The following CNTN4 variants were observed in gnomAD, a reference collection of about 807,000 sequenced individuals.
The protein encoded by CNTN4 is contactin 4.
In CNTN4, 77 loss-of-function variants were observed where a neutral mutation model predicts 122.5. The ratio of observed to expected loss-of-function variants is 0.63; its 90% CI spans 0.52 to 0.76. The LOEUF is 0.76. Ranked by LOEUF, CNTN4 falls within the 30% of genes least tolerant of loss-of-function variation. The pLI, the probability that CNTN4 is intolerant of heterozygous loss-of-function variation, is 0.00. For synonymous variants in CNTN4, 512 were observed against 447.0 expected (o/e 1.15, Z -1.83); for missense variants, 1,256 against 1,259.1 (o/e 1.00, Z 0.04).
rs1553642421 is a variant in CNTN4 at position 2,798,397 on chromosome 3, C to CTATA, written c.359-21086_359-21085insATAT. 8.9e-3 allele frequency among the ~76,000 whole-genome samples: 1,311 copies of CTATA among 148,114 alleles called. 9 individuals are homozygous for CTATA. The highest frequency in any genetic ancestry group is 0.018 in the African/African-American group (733 of 40,466). On this transcript the variant is annotated intron_variant, in intron 6 of 24. Transcript: ENST00000418658. ...TCTATCTATCTATCTATCTATATAT[C>CTATA]TATCTATCTATCTCCCATTTTCTTT...
intron 2 of CNTN4, among the ~76,000 whole-genome samples, chr3:2,206,383 GA>G (rs1343285003): frequency 6.6e-6 from 1 of 152,030 alleles, no homozygotes; most frequent in African/African-American, 2.4e-5. Flanking sequence ...CATTTGTGAA[GA>G]AAACTACATC....
chr3:2,100,328 G>T (rs2031811997), intron 1 of CNTN4, among the ~76,000 whole-genome samples: 1 of 152,198 alleles, frequency 6.6e-6, no homozygotes, highest in African/African-American at 2.4e-5. Flanking sequence ...AGTGGGAGCT[G>T]GATAGTTCAA....
intron 14 of CNTN4, among the ~76,000 whole-genome samples, chr3:3,024,400 A>C (rs1236986050): frequency 1.4e-5 from 2 of 145,226 alleles, no homozygotes; most frequent in East Asian, 1.9e-4. Context: ...AAAAAAAAAA[A>C]AAAAAAAACA....
intron 3 of CNTN4, among the ~76,000 whole-genome samples, chr3:2,517,768 G>A (rs1178469461): frequency 3.3e-5 from 5 of 152,122 alleles, no homozygotes; most frequent in Non-Finnish European, 7.4e-5. Context: ...CTTTCAGATA[G>A]GTAAAGCTGC....
At chr3:2,618,858 G>A (rs2081882199) in intron 4 of CNTN4, among the ~76,000 whole-genome samples, 1 of 152,156 alleles carries the variant, frequency 6.6e-6, no homozygotes, top group Non-Finnish European at 1.5e-5. Context: ...AGACACATTG[G>A]CAACCTGGTA....
At chr3:2,918,597 A>G (rs1414866894) in intron 12 of CNTN4, among the ~76,000 whole-genome samples, 1 of 152,298 alleles carries the variant, frequency 6.6e-6, no homozygotes, top group East Asian at 1.9e-4. Context: ...AAATTGGCCA[A>G]GGTAGGAATA....
intron 4 of CNTN4, among the ~76,000 whole-genome samples, chr3:2,721,863 GA>G (rs1328547095): frequency 2.0e-5 from 3 of 152,154 alleles, no homozygotes; most frequent in African/African-American, 7.2e-5. Context: ...GGGCCTTTGG[GA>G]AGGGATTAAG....
intron 4 of CNTN4, among the ~76,000 whole-genome samples, chr3:2,637,424 C>G (rs1263555651): frequency 6.6e-6 from 1 of 151,994 alleles, no homozygotes; most frequent in Non-Finnish European, 1.5e-5. Flanking sequence ...AAACCATGAT[C>G]AAAGTTAGAT....
intron 4 of CNTN4, among the ~76,000 whole-genome samples, chr3:2,583,827 G>C (rs2080056616): frequency 6.6e-6 from 1 of 152,148 alleles, no homozygotes. Flanking sequence ...AATTTAAGGA[G>C]TTTATAATCT....
At chr3:2,994,807 A>G (rs1030017448) in intron 14 of CNTN4, among the ~76,000 whole-genome samples, 5 of 152,152 alleles carry the variant, frequency 3.3e-5, no homozygotes, top group African/African-American at 4.8e-5. Flanking sequence ...GAAGCAGCCC[A>G]ATCTTCTATG....
intron 3 of CNTN4, among the ~76,000 whole-genome samples, chr3:2,437,787 T>G (rs1466216871): frequency 1.3e-5 from 2 of 152,282 alleles, no homozygotes; most frequent in South Asian, 2.1e-4. Flanking sequence ...TCTTTGAAGA[T>G]TCATGACATT....
chr3:2,292,040 A>T (rs1236085278), intron 2 of CNTN4, among the ~76,000 whole-genome samples: 1 of 152,142 alleles, frequency 6.6e-6, no homozygotes, highest in South Asian at 2.1e-4. Flanking sequence ...CTGGCGAACT[A>T]TAATATTTTA....
At chr3:2,837,912 C>G (rs573265530) in intron 7 of CNTN4, among the ~76,000 whole-genome samples, 1 of 152,208 alleles carries the variant, frequency 6.6e-6, no homozygotes, top group African/African-American at 2.4e-5. Flanking sequence ...CAACAAAGTC[C>G]CATGTACCCA....
At chr3:2,294,034 T>G (rs2042220420) in intron 2 of CNTN4, among the ~76,000 whole-genome samples, 1 of 152,204 alleles carries the variant, frequency 6.6e-6, no homozygotes, top group Admixed American at 6.5e-5. Flanking sequence ...TGGAAGCATT[T>G]GAACCATACA....
chr3:2,355,612 A>G (rs1166190109), intron 3 of CNTN4, among the ~76,000 whole-genome samples: 1 of 152,040 alleles, frequency 6.6e-6, no homozygotes, highest in Non-Finnish European at 1.5e-5. Flanking sequence ...GCCCTCCTCC[A>G]ACCCCTGAAG....
chr3:3,004,705 A>T (rs1205564173), intron 14 of CNTN4, among the ~76,000 whole-genome samples: 1 of 152,246 alleles, frequency 6.6e-6, no homozygotes, highest in Non-Finnish European at 1.5e-5. Flanking sequence ...ACACACCAGC[A>T]CTCAAATAGT....
chr3:2,100,918 TAAAGAC>T (rs1470647755), intron 2 of CNTN4, among the ~76,000 whole-genome samples: 1 of 152,130 alleles, frequency 6.6e-6, no homozygotes, highest in African/African-American at 2.4e-5. Flanking sequence ...CCTTTTCAAT[TAAAGAC>T]TAAGAGTCTA....
intron 2 of CNTN4, among the ~76,000 whole-genome samples, chr3:2,203,265 A>G (rs185939501): frequency 3.3e-5 from 5 of 152,246 alleles, no homozygotes; most frequent in East Asian, 3.9e-4. Flanking sequence ...CATAGTGACT[A>G]TTTGGCTCTT....
chr3:2,597,945 C>T lies in CNTN4; in HGVS notation c.55+26387C>T, dbSNP rs554077995. Among the ~76,000 whole-genome samples the T allele has an allele frequency of 2.0e-5, 3 of 152,102 alleles. No homozygotes were observed. In the South Asian group the frequency reaches 6.2e-4, roughly 32 times the overall value. On this transcript the variant is annotated intron_variant, in intron 4 of 24. Coordinates refer to ENST00000418658, the MANE Select transcript of CNTN4 (RefSeq NM_175607.3). ...ATTGTCAGTTTTTCTTCTTATTTTTCCTTACCTAATGAACTTTTTGGCATC... is the reference window on the plus strand; with the variant it reads ...ATTGTCAGTTTTTCTTCTTATTTTTTCTTACCTAATGAACTTTTTGGCATC...
Sources: gnomAD v4.1 joint callset for allele counts (sites outside exome capture counted in the v4.1 genomes callset) on GRCh38, gnomAD v4.1.1 for gene constraint, MANE v1.5 for transcripts, NCBI Gene and HGNC (gene_info 2026-07-23, HGNC 2026-07-21) for gene names.